SERPINC1: variants seen among roughly 807,000 people sequenced by gnomAD.
The protein encoded by SERPINC1 is antithrombin-III.
A neutral mutation model predicts 43.4 loss-of-function variants in SERPINC1; 12 were observed. The observed-to-expected ratio is 0.28, with a 90% CI of 0.18 to 0.45. SERPINC1 has a LOEUF of 0.45. SERPINC1 is among the 20% of genes least tolerant of loss of function. The pLI is 1.00. For missense variants in SERPINC1, 423 were observed against 578.8 expected (o/e 0.73, Z 2.76); for synonymous variants, 210 against 218.9 (o/e 0.96, Z 0.36).
chr1:173,913,725 G>A (rs1017098296), intron 2 of SERPINC1, among the ~76,000 whole-genome samples: 4 of 152,188 alleles, frequency 2.6e-5, no homozygotes, highest in South Asian at 4.1e-4. Context: ...GCATGGTGCC[G>A]GGGGCCTGTA....
intron 6 of SERPINC1, among the ~76,000 whole-genome samples, chr1:173,906,053 C>A (rs1022813286): frequency 6.6e-6 from 1 of 152,182 alleles, no homozygotes; most frequent in East Asian, 1.9e-4. Flanking sequence ...TTTTCGATTT[C>A]TTTGATTCTA....
chr1:173,914,981 C>G, intron 1 of SERPINC1, 62 bp from the exon 2 acceptor site: 2 of 1,579,206 alleles, frequency 1.3e-6, no homozygotes, highest in African/African-American at 1.3e-5. Flanking sequence ...CTGCCCACCA[C>G]AGGGTTGCCC....
chr1:173,915,791 A>G (rs186131762), intron 1 of SERPINC1, among the ~76,000 whole-genome samples: 4 of 152,298 alleles, frequency 2.6e-5, no homozygotes, highest in African/African-American at 9.6e-5. Context: ...CAGACTGACT[A>G]TTTGCTGGAC....
chr1:173,909,514 G>T, intron 5 of SERPINC1, 38 bp downstream of exon 5: 2 of 1,609,290 alleles, frequency 1.2e-6, no homozygotes, highest in Non-Finnish European at 1.7e-6. Flanking sequence ...AGACTACCTT[G>T]CGGGTGGAGA....
chr1:173,909,805 C>A lies in SERPINC1; in HGVS notation c.900G>T (p.Gln300His), dbSNP rs1228716628. 1.2e-6 allele frequency: 2 copies of A among 1,614,074 alleles called. No individual in the cohort carries two copies. Among genetic ancestry groups the A allele is most frequent in the African/African-American group, 2.7e-5 (2 of 74,948 alleles). Residue 300 changes from glutamine (Q) to histidine (H), a missense_variant, in exon 5 of 7, where the codon CAG becomes CAT. Coordinates refer to ENST00000367698, the MANE Select transcript of SERPINC1 (RefSeq NM_000488.4). ...CACCTTTGAAGGGCAACTCAAGCAC[C>A]TGGGTGCCTTCAGCCACGCGCCGAT... is the stretch of plus-strand genomic sequence containing the variant. ...FRYRRVAEGTQVLELPFKGDD... is the reference protein window; with the variant it reads ...FRYRRVAEGTHVLELPFKGDD...
intron 1 of SERPINC1, 139 bp from the exon 2 acceptor site, chr1:173,915,058 T>A: frequency 6.6e-7 from 1 of 1,524,382 alleles, no homozygotes; most frequent in Non-Finnish European, 8.8e-7. Flanking sequence ...TTGAACCAAG[T>A]ACAGGGGCCC....
At chr1:173,912,645 T>C (rs992626378) in intron 2 of SERPINC1, among the ~76,000 whole-genome samples, 2 of 152,176 alleles carry the variant, frequency 1.3e-5, no homozygotes, top group African/African-American at 4.8e-5. Flanking sequence ...TTTTATCTGT[T>C]CTCTGCCTTT....
Position 173,914,794 on chromosome 1 carries a change from C to G in SERPINC1, c.167G>C (p.Arg56Pro). Residue 56 changes from arginine (R) to proline (P), a missense_variant, in exon 2 of 7, where the codon CGC becomes CCC. Arg to Pro is a moderately radical substitution (Grantham distance 103). Transcript: ENST00000367698. ...CTCAGTTGCCTTCTTCTCCGGGGAG[C>G]GGTAAATGCACATGGGATTCATGGG... The part of the protein sequence containing the change: ...DIPMNPMCIY[R>P]SPEKKATEDE... 1 of 1,614,020 alleles carries G rather than the reference C, an allele frequency of 6.2e-7. No homozygotes were observed. Among genetic ancestry groups the G allele is most frequent in the Non-Finnish European group, 8.5e-7 (1 of 1,179,902 alleles).
rs1202691195 is a variant in SERPINC1 at position 173,917,225 on chromosome 1, C to T, written c.35G>A (p.Gly12Glu). Residue 12 changes from glycine to glutamate, a missense_variant, in exon 1 of 7, where the codon GGA (glycine) becomes GAA (glutamate). Transcript: ENST00000367698. The part of the protein sequence containing the change: ...YSNVIGTVTS[G>E]KRKVYLLSLL... ...GAAAGCTCACCCCTCTTACCTTTTT[C>T]CAGAGGTTACAGTTCCTATCACATT... 1 of 1,613,898 alleles carries T rather than the reference C, an allele frequency of 6.2e-7. No individual in the cohort carries two copies. The highest frequency in any genetic ancestry group is 8.5e-7 in the Non-Finnish European group (1 of 1,179,974).
At chr1:173,906,767 A>G (rs1208224213) in intron 6 of SERPINC1, among the ~76,000 whole-genome samples, 1 of 151,812 alleles carries the variant, frequency 6.6e-6, no homozygotes, top group East Asian at 1.9e-4. Flanking sequence ...ACAGGTGTGA[A>G]CCACCATGCC....
At chr1:173,915,473 C>T (rs1042729267) in intron 1 of SERPINC1, among the ~76,000 whole-genome samples, 4 of 152,104 alleles carry the variant, frequency 2.6e-5, no homozygotes, top group Admixed American at 1.3e-4. Flanking sequence ...GTTGGGTGTT[C>T]GAGATCAGCC....
In SERPINC1 at chr1:173,917,252, G is replaced by T; in HGVS notation, c.8C>A (p.Ser3Tyr). 1 of 1,614,058 alleles carries T rather than the reference G, an allele frequency of 6.2e-7. No individual in the cohort carries two copies. Among genetic ancestry groups the T allele is most frequent in the Non-Finnish European group, 8.5e-7 (1 of 1,179,958 alleles). Residue 3 changes from serine to tyrosine, a missense_variant, in exon 1 of 7, where the codon TCC (serine) becomes TAC (tyrosine). Physicochemically the swap from Ser to Tyr is moderately radical, Grantham distance 144. Transcript: ENST00000367698. MY[S>Y]NVIGTVTSGK... ...AGAGGTTACAGTTCCTATCACATTG[G>T]AATACATGGCCGCTAATCTTCCACA...
intron 6 of SERPINC1, among the ~76,000 whole-genome samples, chr1:173,904,919 A>G (rs1300774886): frequency 6.6e-6 from 1 of 152,154 alleles, no homozygotes; most frequent in East Asian, 1.9e-4. Context: ...ATGGCTTCTC[A>G]GGTCTACAAT....
intron 6 of SERPINC1, among the ~76,000 whole-genome samples, chr1:173,905,851 A>G (rs1380846445): frequency 6.6e-6 from 1 of 152,206 alleles, no homozygotes; most frequent in Non-Finnish European, 1.5e-5. Flanking sequence ...TGGACTTGCC[A>G]TCTCAGAACT....
rs1657911519 is a variant in SERPINC1, at chr1:173,914,649, G to T, written c.312C>A (p.Asp104Glu). 1 of 1,614,112 alleles carries T rather than the reference G, an allele frequency of 6.2e-7. No homozygotes were observed. The stretch of plus-strand genomic sequence containing the variant: ...GGGGTGACAGGAAAATGTTATCATT[G>T]TCATTCTTGGAATCTGCCAGGTGCT... Reference protein sequence around the residue: ...FYQHLADSKNDNDNIFLSPLS... With the variant: ...FYQHLADSKNENDNIFLSPLS... The change falls in exon 2 of 7, where the codon GAC becomes GAA. Residue 104 changes from aspartate (D) to glutamate (E), a missense_variant. Transcript: ENST00000367698.
At position 173,911,801 on chromosome 1, in the gene SERPINC1, T is replaced by C; in HGVS notation, c.622A>G (p.Lys208Glu). The C allele has an allele frequency of 3.7e-6, 6 of 1,613,350 alleles. No individual in the cohort carries two copies. The highest frequency in any genetic ancestry group is 5.1e-6 in the Non-Finnish European group (6 of 1,179,242). The change falls in exon 3 of 7, where the codon AAG becomes GAG. Residue 208 changes from lysine to glutamate, a missense_variant and splice_region_variant. Transcript: ENST00000367698. ...CAGGGGTAACATCTGCAACTCACCT[T>C]GAAGTCCAGGGGCTGGAGCTTGGCT... Reference protein sequence around the residue: ...YGAKLQPLDFKENAEQSRAAI... With the variant: ...YGAKLQPLDFEENAEQSRAAI...
In SERPINC1 at chr1:173,903,896, A is replaced by G; in HGVS notation, c.1388T>C (p.Val463Ala). ...GCAAAGAATAAGAACATTTTACTTA[A>G]CACAAGGGTTGGCTACTCTGCCCAT... ...IFMGRVANPCVK is the reference protein window; with the variant it reads ...IFMGRVANPCAK Residue 463 changes from valine (V) to alanine (A), a missense_variant, in exon 7 of 7, where the codon GTT becomes GCT. Val to Ala is a moderately conservative substitution (Grantham distance 64, BLOSUM62 0). Transcript: ENST00000367698. The G allele has an allele frequency of 1.2e-6, 2 of 1,614,114 alleles. No individual in the cohort carries two copies. Among genetic ancestry groups the G allele is most frequent in the Non-Finnish European group, 1.7e-6 (2 of 1,179,938 alleles).
intron 3 of SERPINC1, among the ~76,000 whole-genome samples, chr1:173,911,334 A>G (rs1054982250): frequency 4.6e-5 from 7 of 152,212 alleles, no homozygotes; most frequent in Non-Finnish European, 1.0e-4. Flanking sequence ...ATGCAGTCAA[A>G]TACATTTGAG....
chr1:173,905,874 A>AAAT (rs1056972574), intron 6 of SERPINC1, among the ~76,000 whole-genome samples: 1 of 152,144 alleles, frequency 6.6e-6, no homozygotes, highest in African/African-American at 2.4e-5. Flanking sequence ...TCTACCTTTG[A>AAAT]AATTATATTA....
Sources: gnomAD v4.1 joint callset for allele counts (sites outside exome capture counted in the v4.1 genomes callset) on GRCh38, gnomAD v4.1.1 for gene constraint, MANE v1.5 for transcripts, NCBI Gene and HGNC (gene_info 2026-07-23, HGNC 2026-07-21) for gene names.